Variants in DMD observed in about 807,000 individuals in gnomAD.
DMD encodes the protein mutant dystrophin.
Under a neutral mutation model 330.1 loss-of-function variants are expected in DMD, and 63 were observed. The ratio of observed to expected loss-of-function variants is 0.19; its 90% CI spans 0.16 to 0.24. The LOEUF (loss-of-function observed/expected upper bound fraction) is 0.24, where lower values mean the gene tolerates loss of function less well. DMD is among the 10% of genes least tolerant of loss of function. The pLI, the probability that DMD is intolerant of heterozygous loss-of-function variation, is 1.00. For synonymous variants in DMD, 1,223 were observed against 959.8 expected, an observed-to-expected ratio of 1.27 and a Z score of -5.07; for missense variants, 3,344 against 2,684.1, an observed-to-expected ratio of 1.25 and a Z score of -5.43.
At chrX:32,518,240 G>T in intron 17 of DMD, 109 bp from the exon 18 acceptor site, 2 of 763,337 alleles carry the variant, frequency 2.6e-6, no homozygotes, top group Non-Finnish European at 3.9e-6. Flanking sequence ...TGAGACTCCT[G>T]CCTGACACCT....
At chrX:31,270,401 G>A (rs1385548077) in intron 62 of DMD, among the ~76,000 whole-genome samples, 2 of 111,355 alleles carry the variant, frequency 1.8e-5, no homozygotes, top group African/African-American at 6.5e-5. Flanking sequence ...CCACTCTGGG[G>A]CTAAAAAGCA....
chrX:31,526,659 T>C (rs774468328), intron 55 of DMD, among the ~76,000 whole-genome samples: 2 of 111,933 alleles, frequency 1.8e-5, no homozygotes, highest in South Asian at 3.7e-4. Flanking sequence ...AAAGGAGATA[T>C]ATAAATGGGC....
chrX:32,711,938 T>G (rs887515159), intron 7 of DMD, among the ~76,000 whole-genome samples: 1 of 112,104 alleles, frequency 8.9e-6, no homozygotes, highest in Non-Finnish European at 1.9e-5. Context: ...ATAAGAAACT[T>G]AATTTCTTCA....
intron 51 of DMD, among the ~76,000 whole-genome samples, chrX:31,765,061 T>C (rs1569369178): frequency 9.1e-6 from 1 of 110,412 alleles, no homozygotes; most frequent in African/African-American, 3.3e-5. Context: ...TTTTTTTTTT[T>C]CAAAAACAAT....
chrX:32,240,496 A>C (rs936159398), intron 43 of DMD, among the ~76,000 whole-genome samples: 1 of 111,441 alleles, frequency 9.0e-6, no homozygotes, highest in Non-Finnish European at 1.9e-5. Context: ...CAGCCTCCAG[A>C]ACGGTGAGAA....
rs1304972428 is a variant in DMD, at chrX:32,165,909, C to T, written c.6438+51007G>A. The stretch of plus-strand genomic sequence containing the variant: ...TATAAGGGTCTCTTCCCCCTTTCCT[C>T]AGTACTTCTCCTTCCTGCCACCTTG... On this transcript the variant is annotated intron_variant, in intron 44 of 78. Transcript: ENST00000357033. Among the ~76,000 whole-genome samples, 5 of 111,189 alleles carry T rather than the reference C, an allele frequency of 4.5e-5. No individual in the cohort carries two copies. In the East Asian group the frequency reaches 1.4e-3, roughly 32 times the overall value.
intron 60 of DMD, among the ~76,000 whole-genome samples, chrX:31,440,024 C>T (rs1312936688): frequency 1.8e-5 from 2 of 111,076 alleles, no homozygotes; most frequent in African/African-American, 6.5e-5. Flanking sequence ...TTCATTAATC[C>T]ATTGGTTTAT....
Position 33,145,041 on chromosome X carries a change from G to A in DMD, c.31+66241C>T, listed in dbSNP as rs975000155. ...CTGTATAGAATAGCTATATATTGAG[G>A]AATTAATAGAACAGCAATATTTTTT... is the stretch of plus-strand genomic sequence containing the variant. On this transcript the variant is annotated intron_variant, in intron 1 of 78. Transcript: ENST00000357033. Among the ~76,000 whole-genome samples, 8 of 111,795 alleles carry A rather than the reference G, an allele frequency of 7.2e-5. No homozygotes were observed. In the South Asian group the frequency reaches 2.6e-3, roughly 37 times the overall value.
chrX:33,095,633 T>C (rs1413986225), intron 1 of DMD, among the ~76,000 whole-genome samples: 1 of 111,889 alleles, frequency 8.9e-6, no homozygotes, highest in Non-Finnish European at 1.9e-5. Context: ...ATCAGTAGCT[T>C]TGGGGGCTAT....
intron 47 of DMD, among the ~76,000 whole-genome samples, chrX:31,922,360 T>C (rs1347032252): frequency 4.5e-5 from 5 of 111,462 alleles, no homozygotes. Context: ...TCCTTTATCA[T>C]AAACAGGTGA....
At chrX:31,216,799 G>A (rs956388662) in intron 64 of DMD, among the ~76,000 whole-genome samples, 8 of 111,567 alleles carry the variant, frequency 7.2e-5, no homozygotes, top group African/African-American at 2.6e-4. Context: ...CAGAGAAGGC[G>A]GTGCATTTTT....
intron 1 of DMD, among the ~76,000 whole-genome samples, chrX:33,070,341 A>G (rs2094726630): frequency 9.0e-6 from 1 of 110,559 alleles, no homozygotes; most frequent in Admixed American, 9.8e-5. Flanking sequence ...GTTGTCAGGG[A>G]TGACTTCCCC....
At chrX:31,299,694 T>C (rs780516507) in intron 62 of DMD, among the ~76,000 whole-genome samples, 13 of 105,384 alleles carry the variant, frequency 1.2e-4, no homozygotes, top group Admixed American at 2.1e-4. Context: ...GAGAATCGCT[T>C]GAACCTGGGA....
At chrX:32,342,955 G>A (rs1423289452) in intron 40 of DMD, 179 bp downstream of exon 40, 25 of 505,414 alleles carry the variant, frequency 4.9e-5, no homozygotes, top group Non-Finnish European at 5.8e-5. Flanking sequence ...TCAACATTAC[G>A]TCAATTGAAT....
At chrX:31,361,697 T>G (rs377043275) in intron 60 of DMD, among the ~76,000 whole-genome samples, 5 of 111,621 alleles carry the variant, frequency 4.5e-5, no homozygotes, top group African/African-American at 1.6e-4. Context: ...TTCCTGAGAT[T>G]TCAAACAGTA....
At chrX:31,906,617 T>G (rs985514197) in intron 47 of DMD, among the ~76,000 whole-genome samples, 1 of 112,272 alleles carries the variant, frequency 8.9e-6, no homozygotes, top group East Asian at 2.8e-4. Flanking sequence ...AAAGGCAATA[T>G]CCATTCTATT....
At chrX:32,218,475 C>T (rs1228648798) in intron 43 of DMD, among the ~76,000 whole-genome samples, 4 of 111,760 alleles carry the variant, frequency 3.6e-5, no homozygotes. Flanking sequence ...CTTTTCTGAA[C>T]TCTATTCTTA....
At chrX:32,947,143 T>C (rs2090873810) in intron 2 of DMD, among the ~76,000 whole-genome samples, 1 of 112,049 alleles carries the variant, frequency 8.9e-6, no homozygotes, top group African/African-American at 3.2e-5. Context: ...ATATCCTCCA[T>C]GCAGGGAAAC....
At chrX:31,231,746 G>A (rs768427001) in intron 63 of DMD, among the ~76,000 whole-genome samples, 6 of 111,866 alleles carry the variant, frequency 5.4e-5, no homozygotes, top group South Asian at 3.8e-4. Context: ...TGGATGCGGC[G>A]GCAGGCACCT....
Sources: gnomAD v4.1 joint callset for allele counts (sites outside exome capture counted in the v4.1 genomes callset) on GRCh38, gnomAD v4.1.1 for gene constraint, MANE v1.5 for transcripts, NCBI Gene and HGNC (gene_info 2026-07-23, HGNC 2026-07-21) for gene names.